KLHL29: variants seen among roughly 807,000 people sequenced by gnomAD.
KLHL29 encodes kelch like family member 29, also known as kelch-like protein 29.
Under a neutral mutation model 80.4 loss-of-function variants are expected in KLHL29, and 21 were observed. The observed-to-expected ratio is 0.26, with a 90% CI of 0.19 to 0.38. KLHL29 has a LOEUF of 0.38. Among genes scored for constraint, KLHL29 ranks in the 10% least tolerant of loss-of-function variants. The pLI, the probability that KLHL29 is intolerant of heterozygous loss-of-function variation, is 1.00. For synonymous variants in KLHL29, 511 were observed against 526.8 expected (o/e 0.97, Z 0.41); for missense variants, 867 against 1,223.9 (o/e 0.71, Z 4.35).
chr2:23,496,328 A>G (rs1438133964), intron 2 of KLHL29, among the ~76,000 whole-genome samples: 2 of 152,248 alleles, frequency 1.3e-5, no homozygotes, highest in African/African-American at 2.4e-5. Context: ...TATGACAACA[A>G]TGAAATGAAC....
chr2:23,492,481 G>A (rs891156966), intron 2 of KLHL29, among the ~76,000 whole-genome samples: 36 of 152,190 alleles, frequency 2.4e-4, no homozygotes, highest in Admixed American at 1.9e-3. Context: ...CTTATTGGAC[G>A]AGGGGCAGAT....
intron 5 of KLHL29, among the ~76,000 whole-genome samples, chr2:23,673,392 G>A (rs894704733): frequency 3.5e-5 from 5 of 141,204 alleles, no homozygotes; most frequent in South Asian, 2.3e-4. Context: ...TCCACACCAC[G>A]TGCTTGCATG....
chr2:23,616,991 C>G (rs1572441344), intron 3 of KLHL29: 1 of 152,216 alleles, frequency 6.6e-6, no homozygotes, highest in Non-Finnish European at 1.5e-5. Context: ...TTTGCCCAGC[C>G]CGGTTTGAGT....
chr2:23,442,752 C>CTT (rs1288423806), intron 1 of KLHL29, among the ~76,000 whole-genome samples: 10 of 152,196 alleles, frequency 6.6e-5, no homozygotes. Context: ...ACCCCAGAGT[C>CTT]TGTGTGGGAG....
At chr2:23,449,330 T>G (rs1212385869) in intron 1 of KLHL29, among the ~76,000 whole-genome samples, 3 of 152,234 alleles carry the variant, frequency 2.0e-5, no homozygotes, top group Non-Finnish European at 2.9e-5. Context: ...TCCATTACCC[T>G]TTGATCTAAC....
intron 2 of KLHL29, among the ~76,000 whole-genome samples, chr2:23,527,020 G>T (rs1666346470): frequency 6.6e-6 from 1 of 152,154 alleles, no homozygotes; most frequent in South Asian, 2.1e-4. Flanking sequence ...TCCTGCGTTG[G>T]TGGACATGTG....
rs1191028177 is a variant in KLHL29 at position 23,684,932 on chromosome 2, C to G, written c.1079+395C>G. Among the ~76,000 whole-genome samples the G allele has an allele frequency of 6.6e-6, 1 of 152,212 alleles. No individual in the cohort carries two copies. Among genetic ancestry groups the G allele is most frequent in the Non-Finnish European group, 1.5e-5 (1 of 68,026 alleles). ...TGCCCCCACCGGGCCAGAGCAGGAT[C>G]CCCAGTGCCATCGTCCCTGCTGTCG... On this transcript the variant is annotated intron_variant, in intron 6 of 13. Transcript: ENST00000486442. The surrounding 1 kb of genome is among the most constrained non-coding windows in gnomAD (Gnocchi z 4.4).
At chr2:23,491,711 C>G (rs1010584286) in intron 2 of KLHL29, among the ~76,000 whole-genome samples, 1 of 152,130 alleles carries the variant, frequency 6.6e-6, no homozygotes. Context: ...CAGATCCATC[C>G]CTAGGGATTG....
chr2:23,708,431 G>A lies in KLHL29; in HGVS notation c.*1767G>A, dbSNP rs902375374. The A allele has an allele frequency of 4.6e-5, 7 of 152,118 alleles. No homozygotes were observed. The highest frequency in any genetic ancestry group is 1.2e-4 in the African/African-American group (5 of 41,410). 9.4% of individuals were successfully genotyped at this position (152,118 alleles called of 1,614,324 possible). A position where few individuals can be genotyped will look rare whatever the true frequency, so the allele number is the denominator to read the frequency against. ...TCCAAAGGAGGTTCTAGTTGTCAGC[G>A]AGACTCAACACAGATGACATTGAAA... On this transcript the variant is annotated 3_prime_UTR_variant, in exon 14 of 14. Transcript: ENST00000486442.
intron 2 of KLHL29, among the ~76,000 whole-genome samples, chr2:23,510,221 AGGGGATGGATT>A (rs1482370653): frequency 1.3e-5 from 2 of 152,124 alleles, no homozygotes; most frequent in African/African-American, 2.4e-5. Flanking sequence ...TGGTTATGGC[AGGGGATGGATT>A]GGGGAGTGAC....
intron 1 of KLHL29, among the ~76,000 whole-genome samples, chr2:23,430,497 C>A (rs1408948344): frequency 2.0e-5 from 3 of 152,184 alleles, no homozygotes; most frequent in African/African-American, 7.2e-5. Context: ...AGCTCAGAGC[C>A]CAGGAAAATC....
chr2:23,539,861 G>A (rs547046524), intron 2 of KLHL29, among the ~76,000 whole-genome samples: 2 of 152,252 alleles, frequency 1.3e-5, no homozygotes, highest in South Asian at 4.2e-4. Flanking sequence ...CACAGTCTGA[G>A]CGATTATCCC....
At chr2:23,592,749 G>T (rs1668299687) in intron 3 of KLHL29, among the ~76,000 whole-genome samples, 1 of 152,222 alleles carries the variant, frequency 6.6e-6, no homozygotes, top group Non-Finnish European at 1.5e-5. Context: ...GGACAGCCAA[G>T]AGGACAAGAT....
chr2:23,663,639 G>A (rs747887787), intron 5 of KLHL29, among the ~76,000 whole-genome samples: 9 of 152,224 alleles, frequency 5.9e-5, no homozygotes, highest in Non-Finnish European at 1.2e-4. Flanking sequence ...ATTATACATG[G>A]CTGTAAGCTA....
chr2:23,488,857 C>A (rs1296373789), intron 2 of KLHL29, among the ~76,000 whole-genome samples: 2 of 152,190 alleles, frequency 1.3e-5, no homozygotes, highest in Non-Finnish European at 2.9e-5. Flanking sequence ...AATGCAAAGC[C>A]ATCTACCTCT....
At position 23,706,890 on chromosome 2, in the gene KLHL29, T is replaced by A. The variant is rs149847608; in HGVS notation, c.*226T>A. On this transcript the variant is annotated 3_prime_UTR_variant, in exon 14 of 14. Coordinates refer to ENST00000486442, the MANE Select transcript of KLHL29 (RefSeq NM_052920.2). ...AGCCGCAGGAACCACGATCCCGCCA[T>A]GGGGCTGGCTGCCTCCTGAACAGGG... 7 of 462,086 alleles carry A rather than the reference T, an allele frequency of 1.5e-5. No homozygotes were observed. The highest frequency in any genetic ancestry group is 2.0e-5 in the African/African-American group (1 of 49,914). 28.6% of individuals were successfully genotyped at this position (462,086 alleles called of 1,614,324 possible).
At chr2:23,403,604 T>A (rs1666646081) in intron 1 of KLHL29, among the ~76,000 whole-genome samples, 1 of 152,010 alleles carries the variant, frequency 6.6e-6, no homozygotes, top group Non-Finnish European at 1.5e-5. Flanking sequence ...AGCAAAAAGG[T>A]GCAATTAACC....
intron 1 of KLHL29, among the ~76,000 whole-genome samples, chr2:23,392,300 T>C (rs1666339600): frequency 6.6e-6 from 1 of 152,214 alleles, no homozygotes; most frequent in South Asian, 2.1e-4. Flanking sequence ...TATATTATGT[T>C]CTGTAAGTCT....
intron 3 of KLHL29, among the ~76,000 whole-genome samples, chr2:23,568,601 A>G (rs1036873218): frequency 6.6e-6 from 1 of 152,174 alleles, no homozygotes; most frequent in South Asian, 2.1e-4. Flanking sequence ...ATGCTTTTCT[A>G]ACCTCTTCCT....
Sources: gnomAD v4.1 joint callset for allele counts (sites outside exome capture counted in the v4.1 genomes callset) on GRCh38, gnomAD v4.1.1 for gene constraint, Gnocchi (gnomAD v3.1) non-coding constraint, MANE v1.5 for transcripts, NCBI Gene and HGNC (gene_info 2026-07-23, HGNC 2026-07-21) for gene names.